COL1A2: variants seen among roughly 807,000 people sequenced by gnomAD.
COL1A2 encodes collagen alpha-2(I) chain.
In COL1A2, 49 loss-of-function variants were observed where a neutral mutation model predicts 174.3. The observed-to-expected ratio is 0.28, with a 90% CI of 0.22 to 0.36. The LOEUF (loss-of-function observed/expected upper bound fraction) is 0.36. COL1A2 is among the 10% of genes least tolerant of loss of function. The pLI, the probability that COL1A2 is intolerant of heterozygous loss-of-function variation, is 1.00. For synonymous variants in COL1A2, 655 were observed against 606.6 expected, an observed-to-expected ratio of 1.08 and a Z score of -1.17; for missense variants, 1,438 against 1,822.7, an observed-to-expected ratio of 0.79 and a Z score of 3.84.
intron 26 of COL1A2, 68 bp downstream of exon 26, chr7:94,413,204 C>T (rs775562008): frequency 1.8e-5 from 25 of 1,355,666 alleles, no homozygotes; most frequent in Non-Finnish European, 2.4e-5. Flanking sequence ...TTTTTTTTTA[C>T]ACCATCTGAT....
intron 21 of COL1A2, 111 bp downstream of exon 21, chr7:94,410,638 T>C: frequency 1.0e-6 from 1 of 1,001,232 alleles, no homozygotes; most frequent in South Asian, 1.4e-5. Flanking sequence ...AAAAAAAGCA[T>C]CTGCTTTCCA....
At chr7:94,415,674 A>G (rs1476087887) in intron 30 of COL1A2, among the ~76,000 whole-genome samples, 1 of 152,166 alleles carries the variant, frequency 6.6e-6, no homozygotes, top group Non-Finnish European at 1.5e-5. Context: ...AGAAAAAAAA[A>G]CTTAGTTTCT....
At chr7:94,405,824 A>G in intron 11 of COL1A2, 98 bp downstream of exon 11, 1 of 993,330 alleles carries the variant, frequency 1.0e-6, no homozygotes, top group Non-Finnish European at 1.6e-6. Context: ...ACTCACTTTC[A>G]AATCCCTGGA....
chr7:94,402,064 G>A (rs1244618596), intron 6 of COL1A2, among the ~76,000 whole-genome samples: 2 of 152,092 alleles, frequency 1.3e-5, no homozygotes, highest in African/African-American at 2.4e-5. Context: ...GGATCAACAA[G>A]TTCTATCTAG....
chr7:94,397,587 C>CAT (rs1025949611), intron 1 of COL1A2, among the ~76,000 whole-genome samples, 161 bp from the exon 2 acceptor site: 2 of 152,014 alleles, frequency 1.3e-5, no homozygotes, highest in Admixed American at 6.6e-5. Context: ...TTTTGACCTG[C>CAT]ATAATTTCTA....
rs1340975083 is a variant in COL1A2 at position 94,415,206 on chromosome 7, T to A, written c.1720-20T>A. The stretch of plus-strand genomic sequence containing the variant: ...GAGATCACACACAGATTTCATGCTT[T>A]ATTCTCATGTTTTGTCTAGGGTCTC... On this transcript the variant is annotated intron_variant, in intron 29 of 51. Transcript: ENST00000297268. 6.2e-7 allele frequency: 1 copy of A among 1,611,192 alleles called. No individual in the cohort carries two copies.
intron 32 of COL1A2, 71 bp downstream of exon 32, chr7:94,417,902 T>C (rs551622954): frequency 2.7e-5 from 35 of 1,298,502 alleles, no homozygotes; most frequent in Non-Finnish European, 3.5e-5. Context: ...ATGCCCAAGT[T>C]TTCACAATTC....
At chr7:94,428,532 G>C in intron 50 of COL1A2, 55 bp downstream of exon 50, 1 of 1,497,114 alleles carries the variant, frequency 6.7e-7, no homozygotes, top group Non-Finnish European at 9.2e-7. Context: ...TGGTAGGACT[G>C]TTTGTTAATT....
rs113977679 is a variant in COL1A2 at position 94,408,674 on chromosome 7, T to C, written c.739-96T>C. The C allele has an allele frequency of 1.1e-4, 141 of 1,312,520 alleles. No individual in the cohort carries two copies. The East Asian group carries it at 3.1e-3, about 29-fold the overall frequency. The allele number at this position is 1,312,520 out of a possible 1,614,324, so 81.3% of individuals were successfully genotyped here. ...TTTTTCTTTACTAATATAAACAGTG[T>C]CATGCCACTGTAAGCAACTTCAATC... On this transcript the variant is annotated intron_variant, in intron 15 of 51. Transcript: ENST00000297268.
At chr7:94,398,329 A>T in intron 2 of COL1A2, 53 bp from the exon 3 acceptor site, 1 of 649,202 alleles carries the variant, frequency 1.5e-6, no homozygotes, top group Non-Finnish European at 2.4e-6. Context: ...AGCTGTTTTT[A>T]AATATATATA....
At chr7:94,417,947 CT>C in intron 32 of COL1A2, 116 bp downstream of exon 32, 2 of 830,184 alleles carry the variant, frequency 2.4e-6, no homozygotes, top group Non-Finnish European at 4.0e-6. Flanking sequence ...TCATATCTAT[CT>C]ATATACATTT....
rs11312537 is a variant in COL1A2, at chr7:94,422,195, G to GA, written c.2403+255dup. Reference sequence around the variant, plus strand: ...CCCCTTTCAGGGGCATGGTCTTTTTGAAAAAAAAAAAACAAAAAAACGAAC... The same window carrying GA: ...CCCCTTTCAGGGGCATGGTCTTTTTGAAAAAAAAAAAAACAAAAAAACGAAC... On this transcript the variant is annotated intron_variant, in intron 39 of 51. Coordinates refer to ENST00000297268, the MANE Select transcript of COL1A2 (RefSeq NM_000089.4). 5.9e-3 allele frequency among the ~76,000 whole-genome samples: 851 copies of GA among 144,508 alleles called. 9 individuals are homozygous for GA. The highest frequency in any genetic ancestry group is 0.054 in the South Asian group (248 of 4,570). The allele number at this position is 144,508 out of a possible 152,430, so 94.8% of individuals were successfully genotyped here. A position where few individuals can be genotyped will look rare whatever the true frequency, so the allele number is the denominator to read the frequency against.
intron 32 of COL1A2, among the ~76,000 whole-genome samples, chr7:94,418,127 T>C (rs756412519): frequency 6.6e-6 from 1 of 152,176 alleles, no homozygotes; most frequent in Non-Finnish European, 1.5e-5. Flanking sequence ...AGAAGCTACA[T>C]TGAACAGCTG....
At chr7:94,419,435 A>G in intron 33 of COL1A2, 63 bp from the exon 34 acceptor site, 1 of 1,571,750 alleles carries the variant, frequency 6.4e-7, no homozygotes, top group South Asian at 1.1e-5. Flanking sequence ...AAAAAGAATG[A>G]CAAGGTTCAC....
At position 94,407,944 on chromosome 7, in the gene COL1A2, T is replaced by A. The variant is rs1387585025; in HGVS notation, c.639+53T>A. The A allele has an allele frequency of 2.0e-6, 3 of 1,510,988 alleles. No homozygotes were observed. In the African/African-American group the frequency reaches 4.1e-5, roughly 21 times the overall value. The allele number at this position is 1,510,988 out of a possible 1,614,324, so 93.6% of individuals were successfully genotyped here. ...TTAAATGTGTACACTCTTTATGAGA[T>A]GGAACTTCTTTAATGTTTTTGCTAA... On this transcript the variant is annotated intron_variant, in intron 13 of 51. Coordinates refer to ENST00000297268, the MANE Select transcript of COL1A2 (RefSeq NM_000089.4).
chr7:94,408,420 T>G, intron 15 of COL1A2, 40 bp downstream of exon 15: 1 of 1,603,142 alleles, frequency 6.2e-7, no homozygotes, highest in Non-Finnish European at 8.5e-7. Context: ...GAGTTGAGAA[T>G]GTGGGGTGGG....
Position 94,425,614 on chromosome 7 carries a change from A to G in COL1A2, c.2786A>G (p.Asn929Ser), listed in dbSNP as rs1359114635. ...GAPGEAGRDG[N>S]PGNDGPPGRD... ...ATTTGTGTGGTGTCTTCACAGGGCA[A>G]CCCTGGGAACGATGGTCCCCCAGGT... is the stretch of plus-strand genomic sequence containing the variant. Residue 929 changes from asparagine (N) to serine (S), a missense_variant, in exon 43 of 52, where the codon AAC becomes AGC. Physicochemically the swap from Asn to Ser is conservative, Grantham distance 46. Transcript: ENST00000297268. The G allele has an allele frequency of 3.1e-6, 5 of 1,613,916 alleles. No homozygotes were observed. The highest frequency in any genetic ancestry group is 1.3e-5 in the African/African-American group (1 of 74,908).
intron 12 of COL1A2, among the ~76,000 whole-genome samples, chr7:94,407,315 C>A (rs895282809): frequency 6.0e-5 from 9 of 148,906 alleles, no homozygotes; most frequent in Middle Eastern, 3.4e-3. Flanking sequence ...AAAAAAAGTT[C>A]TTTTACATGT....
At position 94,410,309 on chromosome 7, in the gene COL1A2, TCATCACA is replaced by T; in HGVS notation, c.1089+16_1089+22del. On this transcript the variant is annotated intron_variant, in intron 20 of 51. Transcript: ENST00000297268. ...AAGGGTGAGCCCGTAAGTAGCTCTA[TCATCACA>T]CTTTTATAAAGTTAATTGTTTTTCT... The T allele has an allele frequency of 1.2e-6, 2 of 1,613,836 alleles. No homozygotes were observed. The highest frequency in any genetic ancestry group is 1.7e-6 in the Non-Finnish European group (2 of 1,179,890).
Sources: allele counts gnomAD v4.1 joint callset (sites outside exome capture counted in the v4.1 genomes callset), GRCh38; gene constraint gnomAD v4.1.1; transcripts MANE v1.5; gene names NCBI Gene and HGNC (gene_info 2026-07-23, HGNC 2026-07-21).